ACOT11: variants seen among roughly 807,000 people sequenced by gnomAD.
ACOT11 encodes the protein acyl-coenzyme A thioesterase 11.
A neutral mutation model predicts 77.5 loss-of-function variants in ACOT11; 69 were observed. The observed-to-expected ratio is 0.89, with a 90% CI of 0.73 to 1.09. ACOT11 has a LOEUF of 1.09. Ranked by LOEUF, ACOT11 falls within the 50% of genes least tolerant of loss-of-function variation. The probability of loss-of-function intolerance (pLI) is 0.00; values close to 1 mark genes in which losing one functional copy is unlikely to be tolerated. For missense variants in ACOT11, 766 were observed against 813.7 expected (o/e 0.94, Z 0.71); for synonymous variants, 279 against 313.0 (o/e 0.89, Z 1.15).
chr1:54,616,088 G>A (rs1264870528), intron 15 of ACOT11: 2 of 1,614,184 alleles, frequency 1.2e-6, no homozygotes, highest in Non-Finnish European at 1.7e-6. Flanking sequence ...GATAGTGGGG[G>A]GGTGTGCCAT....
At chr1:54,592,487 GCCCCTGTT>G in intron 3 of ACOT11, 51 bp from the exon 4 acceptor site, 1 of 1,514,294 alleles carries the variant, frequency 6.6e-7, no homozygotes, top group Non-Finnish European at 9.0e-7. Flanking sequence ...AGTATCTGAG[GCCCCTGTT>G]CCTCCCTCTG....
At chr1:54,605,299 G>A (rs536645452) in intron 13 of ACOT11, 90 bp downstream of exon 13, 370 of 1,495,990 alleles carry the variant, frequency 2.5e-4, no homozygotes, top group Non-Finnish European at 3.1e-4. Context: ...CCTCCATGAT[G>A]CTCTGCCCTG....
chr1:54,581,773 C>G (rs991898241), intron 1 of ACOT11, among the ~76,000 whole-genome samples: 1 of 152,188 alleles, frequency 6.6e-6, no homozygotes, highest in Non-Finnish European at 1.5e-5. Context: ...GGCCTCTCCT[C>G]TCCCTATGAC....
At chr1:54,572,883 G>A in intron 1 of ACOT11, 1 of 972,840 alleles carries the variant, frequency 1.0e-6, no homozygotes, top group Non-Finnish European at 1.2e-6. Flanking sequence ...ACCTGAGAGA[G>A]GCCTGTCTAG....
At chr1:54,554,369 T>TTTG (rs1653189931) in intron 1 of ACOT11, among the ~76,000 whole-genome samples, 1 of 128,864 alleles carries the variant, frequency 7.8e-6, no homozygotes, top group African/African-American at 2.9e-5. Flanking sequence ...TTTTTTTTTT[T>TTTG]GAGATGGAGT....
At chr1:54,635,799 C>T (rs1286904611) in exon 17 of ACOT11, 3 of 153,984 alleles carry the variant, frequency 1.9e-5, no homozygotes, top group Non-Finnish European at 4.3e-5. Context: ...GAGCAAGCCC[C>T]CCAGAGTCTG....
rs922765862 is a variant in ACOT11 at position 54,585,762 on chromosome 1, G to T, written c.242-73G>T. The T allele has an allele frequency of 2.6e-6, 4 of 1,525,314 alleles. No homozygotes were observed. The African/African-American group carries it at 5.5e-5, about 21-fold the overall frequency. 94.5% of individuals were successfully genotyped at this position (1,525,314 alleles called of 1,614,324 possible). ...TTGGGCGGCTGGAGAAGCCTCCTGA[G>T]GAGGTGCCATCTGAGCAGAGGCCTG... On this transcript the variant is annotated intron_variant, in intron 2 of 15. Coordinates refer to ENST00000343744, the MANE Select transcript of ACOT11 (RefSeq NM_147161.4).
chr1:54,594,929 C>T (rs781177981), intron 6 of ACOT11, among the ~76,000 whole-genome samples: 7 of 152,242 alleles, frequency 4.6e-5, no homozygotes, highest in Non-Finnish European at 1.0e-4. Flanking sequence ...GTGGAAATCC[C>T]TTTGTTGGCC....
At chr1:54,576,491 T>TAAAAAAAAAAAAAA (rs71581820) in intron 1 of ACOT11, among the ~76,000 whole-genome samples, 2 of 68,366 alleles carry the variant, frequency 2.9e-5, no homozygotes, top group Admixed American at 1.7e-4. Context: ...GAGCAAGATC[T>TAAAAAAAAAAAAAA]AAAAAAAAAA....
In ACOT11 at chr1:54,554,351, ATTTTTTT is replaced by A. The variant is rs35047110; in HGVS notation, c.33+6021_33+6027del. On this transcript the variant is annotated intron_variant, in intron 1 of 15. Coordinates refer to ENST00000343744, the MANE Select transcript of ACOT11 (RefSeq NM_147161.4). The stretch of plus-strand genomic sequence containing the variant: ...TGTGTGTGTATATATATATATATAT[ATTTTTTT>A]TTTTTTTTTTTGAGATGGAGTCCTG... 1.3e-4 allele frequency among the ~76,000 whole-genome samples: 13 copies of A among 97,252 alleles called. No homozygotes were observed. The South Asian group carries it at 2.1e-3, about 16-fold the overall frequency. The allele number at this position is 97,252 out of a possible 152,430, so 63.8% of individuals were successfully genotyped here.
chr1:54,589,915 C>T (rs1654645776), intron 3 of ACOT11, among the ~76,000 whole-genome samples: 1 of 152,116 alleles, frequency 6.6e-6, no homozygotes, highest in East Asian at 1.9e-4. Context: ...GGTGAAACCC[C>T]GTCTCTACTA....
intron 3 of ACOT11, among the ~76,000 whole-genome samples, chr1:54,586,747 TCTTTC>T (rs1340127875): frequency 3.3e-5 from 5 of 152,214 alleles, no homozygotes; most frequent in African/African-American, 9.6e-5. Context: ...TCTTTTCTTT[TCTTTC>T]TTTTAATGGC....
Position 54,594,453 on chromosome 1 carries a change from G to A in ACOT11, c.472-103G>A, listed in dbSNP as rs543602136. The A allele has an allele frequency of 1.3e-5, 19 of 1,439,962 alleles. No individual in the cohort carries two copies. The African/African-American group carries it at 2.3e-4, about 17-fold the overall frequency. The allele number at this position is 1,439,962 out of a possible 1,614,324, so 89.2% of individuals were successfully genotyped here. A position where few individuals can be genotyped will look rare whatever the true frequency, so the allele number is the denominator to read the frequency against. ...TGGAACTGAGCAGCAGCCCACGCCTGCTGTGTGCTAGCCTCGGGCATGGCA... is the reference window on the plus strand; with the variant it reads ...TGGAACTGAGCAGCAGCCCACGCCTACTGTGTGCTAGCCTCGGGCATGGCA... On this transcript the variant is annotated intron_variant, in intron 5 of 15. Transcript: ENST00000343744.
intron 1 of ACOT11, among the ~76,000 whole-genome samples, chr1:54,562,227 C>T (rs1439323116): frequency 9.5e-6 from 1 of 104,882 alleles, no homozygotes; most frequent in Non-Finnish European, 1.9e-5. Flanking sequence ...GGCTGACCCC[C>T]CCACCTCCCT....
chr1:54,592,609 G>GT lies in ACOT11; in HGVS notation c.372+4dup. 6.2e-7 allele frequency: 1 copy of GT among 1,613,480 alleles called. No homozygotes were observed. Among genetic ancestry groups the GT allele is most frequent in the Non-Finnish European group, 8.5e-7 (1 of 1,179,722 alleles). On this transcript the variant is annotated splice_donor_region_variant and intron_variant, in intron 4 of 15. Transcript: ENST00000343744. ...GGGCCTTCAACTCCAGCATGGAGGTGTGTGGGGTGGGCACTGCTTGGGAGT... is the reference window on the plus strand; with the variant it reads ...GGGCCTTCAACTCCAGCATGGAGGTGTTGTGGGGTGGGCACTGCTTGGGAGT...
Position 54,584,754 on chromosome 1 carries a change from A to G in ACOT11, c.133A>G (p.Thr45Ala). The G allele has an allele frequency of 6.2e-7, 1 of 1,614,082 alleles. No homozygotes were observed. Among genetic ancestry groups the G allele is most frequent in the Non-Finnish European group, 8.5e-7 (1 of 1,180,024 alleles). ...MADGEGYRNPTEVQMSQLVLP... is the reference protein window; with the variant it reads ...MADGEGYRNPAEVQMSQLVLP... ...AGACGGCGAGGGATACCGGAACCCCACGGAGGTGCAGATGAGCCAGCTGGT... is the reference window on the plus strand; with the variant it reads ...AGACGGCGAGGGATACCGGAACCCCGCGGAGGTGCAGATGAGCCAGCTGGT... The change falls in exon 2 of 16, where the codon ACG becomes GCG. Residue 45 changes from threonine (T) to alanine (A), a missense_variant. Thr to Ala is a moderately conservative substitution (Grantham distance 58). Coordinates refer to ENST00000343744, the MANE Select transcript of ACOT11 (RefSeq NM_147161.4). This position sits in a 1 kb window ranked among gnomAD's most constrained non-coding sequence, Gnocchi z 6.3.
intron 15 of ACOT11, chr1:54,623,693 G>A (rs1400037341): frequency 1.5e-5 from 4 of 268,364 alleles, no homozygotes; most frequent in East Asian, 7.1e-5. Flanking sequence ...ATGTTGGACC[G>A]AGCCCCGACC....
intron 3 of ACOT11, 72 bp downstream of exon 3, chr1:54,585,976 C>A: frequency 6.6e-7 from 1 of 1,507,546 alleles, no homozygotes; most frequent in Non-Finnish European, 9.2e-7. Flanking sequence ...CTCCTGACTC[C>A]CTGCCTGGTC....
Position 54,620,898 on chromosome 1 carries a change from A to G in ACOT11, c.1630-9836A>G, listed in dbSNP as rs1170166959. On this transcript the variant is annotated intron_variant, in intron 15 of 16. Coordinates refer to the ACOT11 transcript ENST00000371316. ...AAAAAGGCTGGGTTTGGTGGCTCACACCTGTAATCCTAGCACTTTGGGAAG... is the reference window on the plus strand; with the variant it reads ...AAAAAGGCTGGGTTTGGTGGCTCACGCCTGTAATCCTAGCACTTTGGGAAG... 8.0e-5 allele frequency among the ~76,000 whole-genome samples: 9 copies of G among 112,032 alleles called. 1 individual carries two copies. The highest frequency in any genetic ancestry group is 5.1e-4 in the Admixed American group (5 of 9,854). The allele number at this position is 112,032 out of a possible 152,430, so 73.5% of individuals were successfully genotyped here. A position where few individuals can be genotyped will look rare whatever the true frequency, so the allele number is the denominator to read the frequency against.
Sources: allele counts gnomAD v4.1 joint callset (sites outside exome capture counted in the v4.1 genomes callset), GRCh38; gene constraint gnomAD v4.1.1; non-coding constraint Gnocchi (gnomAD v3.1); transcripts MANE v1.5; gene names NCBI Gene and HGNC (gene_info 2026-07-23, HGNC 2026-07-21).